ARHGAP15: variants seen among roughly 807,000 people sequenced by gnomAD.
The protein encoded by ARHGAP15 is rho GTPase-activating protein 15.
In ARHGAP15, 51 loss-of-function variants were observed where a neutral mutation model predicts 63.7. The observed-to-expected ratio is 0.80, with a 90% confidence interval of 0.64 to 1.01. ARHGAP15 has a LOEUF of 1.01. ARHGAP15 is among the 50% of genes least tolerant of loss of function. The pLI is 0.00. For synonymous variants in ARHGAP15, 191 were observed against 193.8 expected (o/e 0.99, Z 0.12); for missense variants, 560 against 564.6 (o/e 0.99, Z 0.08).
Position 143,237,124 on chromosome 2 carries a change from GACTC to G in ARHGAP15, c.384+8458_384+8461del, listed in dbSNP as rs1313296308. On this transcript the variant is annotated intron_variant, in intron 5 of 13. Coordinates refer to ENST00000295095, the MANE Select transcript of ARHGAP15 (RefSeq NM_018460.4). Reference sequence around the variant, plus strand: ...TATGAAATATTCTCAAATTAAGAGAGACTCAGAGTTTTCAGAGACATGTTTAGGG... The same window carrying G: ...TATGAAATATTCTCAAATTAAGAGAGAGAGTTTTCAGAGACATGTTTAGGG... 3.9e-5 allele frequency: 6 copies of G among 152,090 alleles called. 1 individual carries two copies. The highest frequency in any genetic ancestry group is 8.8e-5 in the Non-Finnish European group (6 of 68,006). 9.4% of individuals were successfully genotyped at this position (152,090 alleles called of 1,614,324 possible).
chr2:143,337,174 AGT>A (rs1448718604), intron 6 of ARHGAP15, among the ~76,000 whole-genome samples: 1 of 152,104 alleles, frequency 6.6e-6, no homozygotes, highest in Non-Finnish European at 1.5e-5. Context: ...GAGTGAAGAG[AGT>A]GTGCAAAAGT....
chr2:143,296,205 A>G (rs1682627300), intron 6 of ARHGAP15, among the ~76,000 whole-genome samples: 1 of 151,986 alleles, frequency 6.6e-6, no homozygotes, highest in African/African-American at 2.4e-5. Context: ...ACCTCTGACT[A>G]CGACTGTCCC....
intron 3 of ARHGAP15, among the ~76,000 whole-genome samples, chr2:143,211,655 G>T (rs1271005182): frequency 6.6e-6 from 1 of 152,108 alleles, no homozygotes; most frequent in South Asian, 2.1e-4. Context: ...GTTTCATAGG[G>T]TGATGCTACT....
chr2:143,729,373 A>G (rs146815001), intron 13 of ARHGAP15, among the ~76,000 whole-genome samples: 247 of 152,332 alleles, frequency 1.6e-3, no homozygotes, highest in African/African-American at 5.1e-3. Flanking sequence ...TCTGCTTGAC[A>G]TTCAATTTAA....
chr2:143,708,292 T>C (rs2105434795), intron 13 of ARHGAP15, among the ~76,000 whole-genome samples: 1 of 152,346 alleles, frequency 6.6e-6, no homozygotes, highest in South Asian at 2.1e-4. Flanking sequence ...TTAAATGTAT[T>C]ATATTACATG....
rs201358496 is a variant in ARHGAP15 at position 143,442,755 on chromosome 2, AT to A, written c.703+5722del. Among the ~76,000 whole-genome samples the A allele has an allele frequency of 2.1e-3, 325 of 151,236 alleles. 2 individuals are homozygous for A. The highest frequency in any genetic ancestry group is 7.5e-3 in the African/African-American group (311 of 41,254). On this transcript the variant is annotated intron_variant, in intron 8 of 13. Transcript: ENST00000295095. ...CAAGTGATCATGATCCTATTGTTTC[AT>A]TTTTTTTTGTATGTTTGAAAAGTTC...
chr2:143,608,666 A>T (rs568745455), intron 11 of ARHGAP15: 2 of 152,270 alleles, frequency 1.3e-5, no homozygotes, highest in African/African-American at 4.8e-5. Context: ...TGTTTCTAAG[A>T]TGTATGTTTC....
chr2:143,290,511 G>C (rs1055524811), intron 6 of ARHGAP15, among the ~76,000 whole-genome samples: 1 of 151,868 alleles, frequency 6.6e-6, no homozygotes, highest in South Asian at 2.1e-4. Context: ...AAATCTTCTG[G>C]TCTTCCAAGA....
At chr2:143,683,927 T>A (rs1386570590) in intron 12 of ARHGAP15, among the ~76,000 whole-genome samples, 1 of 152,186 alleles carries the variant, frequency 6.6e-6, no homozygotes, top group Non-Finnish European at 1.5e-5. Context: ...TTTTAATATT[T>A]GCAAACTAAT....
At chr2:143,663,790 A>C (rs1215718191) in intron 12 of ARHGAP15, among the ~76,000 whole-genome samples, 1 of 152,120 alleles carries the variant, frequency 6.6e-6, no homozygotes, top group Non-Finnish European at 1.5e-5. Flanking sequence ...AACAGACTTT[A>C]AACCAACAAA....
rs941679067 is a variant in ARHGAP15 at position 143,686,489 on chromosome 2, C to T, written c.1139-16930C>T. 2.0e-5 allele frequency among the ~76,000 whole-genome samples: 3 copies of T among 148,066 alleles called. No individual in the cohort carries two copies. In the South Asian group the frequency reaches 6.7e-4, roughly 33 times the overall value. The stretch of plus-strand genomic sequence containing the variant: ...AAGGAATCCCACTGTAATATGCACA[C>T]ATTTACTTTTTAGTCTAATTCTATT... On this transcript the variant is annotated intron_variant, in intron 12 of 13. Transcript: ENST00000295095.
At chr2:143,612,556 C>T (rs1392845875) in intron 11 of ARHGAP15, among the ~76,000 whole-genome samples, 4 of 152,230 alleles carry the variant, frequency 2.6e-5, no homozygotes, top group Non-Finnish European at 4.4e-5. Flanking sequence ...CAGAATGAAC[C>T]ATTCCACACA....
At chr2:143,587,668 G>T (rs1411079544) in intron 11 of ARHGAP15, 3 of 463,428 alleles carry the variant, frequency 6.5e-6, no homozygotes, top group Non-Finnish European at 1.3e-5. Context: ...CCTTTCCTTT[G>T]TCTTCTGTCT....
At chr2:143,470,935 T>TATACAC (rs1491423891) in intron 8 of ARHGAP15, among the ~76,000 whole-genome samples, 1 of 145,442 alleles carries the variant, frequency 6.9e-6, no homozygotes, top group Non-Finnish European at 1.5e-5. Flanking sequence ...TGTGTATATA[T>TATACAC]GTGTGTATAT....
At chr2:143,372,576 A>T (rs1686610056) in intron 6 of ARHGAP15, among the ~76,000 whole-genome samples, 1 of 152,072 alleles carries the variant, frequency 6.6e-6, no homozygotes, top group Admixed American at 6.5e-5. Flanking sequence ...TTCCAAAGGG[A>T]TCTGGAAATT....
chr2:143,129,428 T>A lies in ARHGAP15; in HGVS notation c.-53T>A, dbSNP rs1341160657. ...TGAAAGAGTCATTAACAGTTAGGAG[T>A]TGATGGCAGTTTCAATAACAGGTCA... On this transcript the variant is annotated 5_prime_UTR_variant, in exon 1 of 14. In the 5' UTR this introduces an upstream ATG that the reference lacks. Coordinates refer to ENST00000295095, the MANE Select transcript of ARHGAP15 (RefSeq NM_018460.4). 6.6e-6 allele frequency: 1 copy of A among 151,994 alleles called. No individual in the cohort carries two copies. The highest frequency in any genetic ancestry group is 1.9e-4 in the East Asian group (1 of 5,184). 9.4% of individuals were successfully genotyped at this position (151,994 alleles called of 1,614,324 possible).
intron 6 of ARHGAP15, among the ~76,000 whole-genome samples, chr2:143,433,345 C>A (rs1448864680): frequency 6.6e-6 from 1 of 152,046 alleles, no homozygotes; most frequent in Non-Finnish European, 1.5e-5. Flanking sequence ...GCAGACTTCT[C>A]CAGACTGCCT....
Position 143,443,046 on chromosome 2 carries a change from TTTAAGATATTTATTA to T in ARHGAP15, c.703+6008_703+6022del, listed in dbSNP as rs1689962112. 2.0e-5 allele frequency among the ~76,000 whole-genome samples: 3 copies of T among 152,176 alleles called. No homozygotes were observed. The South Asian group carries it at 6.2e-4, about 32-fold the overall frequency. Reference sequence around the variant, plus strand: ...TGGGAACTATGTAATTAAGAAAACTTTTAAGATATTTATTATTATCCAAAATTAAAAAGTCACACG... The same window carrying T: ...TGGGAACTATGTAATTAAGAAAACTTTTATCCAAAATTAAAAAGTCACACG... On this transcript the variant is annotated intron_variant, in intron 8 of 13. Transcript: ENST00000295095.
At chr2:143,333,470 T>C (rs1053120336) in intron 6 of ARHGAP15, among the ~76,000 whole-genome samples, 1 of 152,204 alleles carries the variant, frequency 6.6e-6, no homozygotes, top group Non-Finnish European at 1.5e-5. Flanking sequence ...AAACGAATTT[T>C]CAGAGACCTG....
Sources: allele counts gnomAD v4.1 joint callset (sites outside exome capture counted in the v4.1 genomes callset), GRCh38; gene constraint gnomAD v4.1.1; transcripts MANE v1.5; gene names NCBI Gene and HGNC (gene_info 2026-07-23, HGNC 2026-07-21).